NAALADL2: variants seen among roughly 807,000 people sequenced by gnomAD.
NAALADL2 encodes inactive N-acetylated-alpha-linked acidic dipeptidase-like protein 2.
In NAALADL2, 76 loss-of-function variants were observed where a neutral mutation model predicts 87.2. The ratio of observed to expected loss-of-function variants is 0.87; its 90% CI spans 0.72 to 1.05. NAALADL2 has a LOEUF of 1.05. Ranked by LOEUF, NAALADL2 falls within the 50% of genes least tolerant of loss-of-function variation. The probability of loss-of-function intolerance (pLI) is 0.00; values close to 1 mark genes in which losing one functional copy is unlikely to be tolerated. For synonymous variants in NAALADL2, 354 were observed against 331.0 expected (o/e 1.07, Z -0.75); for missense variants, 1,089 against 945.8 (o/e 1.15, Z -1.99).
At chr3:175,002,700 G>A (rs999750822) in intron 1 of NAALADL2, among the ~76,000 whole-genome samples, 3 of 152,254 alleles carry the variant, frequency 2.0e-5, no homozygotes, top group African/African-American at 7.2e-5. Flanking sequence ...GAAATTCATC[G>A]ACAAGTTTGC....
chr3:175,679,625 A>T (rs1735318272), intron 11 of NAALADL2, among the ~76,000 whole-genome samples: 1 of 152,158 alleles, frequency 6.6e-6, no homozygotes, highest in Non-Finnish European at 1.5e-5. Flanking sequence ...TTAATTCTAT[A>T]GTTCTTTTTA....
intron 1 of NAALADL2, among the ~76,000 whole-genome samples, chr3:174,870,073 G>A (rs1187697780): frequency 6.6e-6 from 1 of 150,696 alleles, no homozygotes; most frequent in Non-Finnish European, 1.5e-5. Context: ...GAGTGAGTTT[G>A]TGGGTGTGTG....
At chr3:174,816,517 ATAT>A (rs10567969) in intron 3 of NAALADL2, among the ~76,000 whole-genome samples, 39,654 of 142,790 alleles carry the variant, frequency 0.28, 6,009 homozygotes, top group African/African-American at 0.4. Flanking sequence ...ACATTTATTT[ATAT>A]TATATTATAT....
In NAALADL2 at chr3:175,214,710, A is replaced by T. The variant is rs144818951; in HGVS notation, c.546-19221A>T. Among the ~76,000 whole-genome samples, 939 of 152,286 alleles carry T rather than the reference A, an allele frequency of 6.2e-3. 10 individuals are homozygous for T. Among genetic ancestry groups the T allele is most frequent in the African/African-American group, 0.02 (820 of 41,560 alleles). On this transcript the variant is annotated intron_variant, in intron 2 of 13. Coordinates refer to ENST00000454872, the MANE Select transcript of NAALADL2 (RefSeq NM_207015.3). ...TATGAATGAAATTTGAGCTAATTTT[A>T]TTCATTCCTACTAAACTGGGTAACT...
At chr3:174,748,558 G>A (rs886081337) in intron 3 of NAALADL2, among the ~76,000 whole-genome samples, 1 of 152,134 alleles carries the variant, frequency 6.6e-6, no homozygotes, top group Non-Finnish European at 1.5e-5. Flanking sequence ...CATTTGTGGT[G>A]ATTTGTTACA....
At chr3:174,508,176 C>T (rs917947030) in intron 1 of NAALADL2, among the ~76,000 whole-genome samples, 23 of 138,696 alleles carry the variant, frequency 1.7e-4, no homozygotes, top group South Asian at 2.4e-4. Flanking sequence ...TGCAGTGGCA[C>T]GATTTCGGCT....
At chr3:175,083,616 T>C (rs898721201) in intron 1 of NAALADL2, among the ~76,000 whole-genome samples, 3 of 152,184 alleles carry the variant, frequency 2.0e-5, no homozygotes, top group African/African-American at 7.2e-5. Context: ...CCTAATAGTT[T>C]ATAATTATTT....
chr3:175,791,911 C>CAAAA (rs201243200), intron 13 of NAALADL2, among the ~76,000 whole-genome samples: 1 of 127,970 alleles, frequency 7.8e-6, no homozygotes, highest in African/African-American at 2.7e-5. Context: ...GTTCCCAAAG[C>CAAAA]AAAAAAAAAA....
At chr3:175,651,080 A>G (rs1163205982) in intron 11 of NAALADL2, among the ~76,000 whole-genome samples, 1 of 152,190 alleles carries the variant, frequency 6.6e-6, no homozygotes, top group South Asian at 2.1e-4. Context: ...GTAGCTTATG[A>G]GTATTAAAAG....
At chr3:174,649,264 A>G (rs1724118144) in intron 2 of NAALADL2, among the ~76,000 whole-genome samples, 1 of 152,120 alleles carries the variant, frequency 6.6e-6, no homozygotes, top group African/African-American at 2.4e-5. Context: ...AGCCCAGCTG[A>G]AAACCTGTTT....
intron 13 of NAALADL2, among the ~76,000 whole-genome samples, chr3:175,783,879 C>G (rs1196891384): frequency 1.4e-5 from 2 of 144,060 alleles, no homozygotes; most frequent in South Asian, 2.2e-4. Flanking sequence ...TACATCCCAT[C>G]GATACCTAAT....
chr3:175,225,211 C>T (rs1743987307), intron 2 of NAALADL2, among the ~76,000 whole-genome samples: 1 of 152,064 alleles, frequency 6.6e-6, no homozygotes, highest in Non-Finnish European at 1.5e-5. Context: ...TATATCTTCC[C>T]CATTATATAA....
chr3:175,069,807 A>T (rs1265144283), intron 1 of NAALADL2, among the ~76,000 whole-genome samples: 1 of 150,644 alleles, frequency 6.6e-6, no homozygotes, highest in Non-Finnish European at 1.5e-5. Flanking sequence ...TGTGGCACAT[A>T]TACACCATGG....
intron 1 of NAALADL2, among the ~76,000 whole-genome samples, chr3:174,902,937 C>A (rs1279988660): frequency 1.3e-5 from 2 of 152,048 alleles, no homozygotes; most frequent in African/African-American, 2.4e-5. Context: ...GGCTGAGGAA[C>A]CATGTGAAAG....
Position 175,119,887 on chromosome 3 carries a change from C to CATATAT in NAALADL2, c.545+22606_545+22611dup, listed in dbSNP as rs10688417. 1.6e-3 allele frequency among the ~76,000 whole-genome samples: 235 copies of CATATAT among 143,134 alleles called. 2 individuals carry two copies. The highest frequency in any genetic ancestry group is 5.6e-3 in the African/African-American group (220 of 39,358). The allele number at this position is 143,134 out of a possible 152,430, so 93.9% of individuals were successfully genotyped here. A position where few individuals can be genotyped will look rare whatever the true frequency, so the allele number is the denominator to read the frequency against. On this transcript the variant is annotated intron_variant, in intron 2 of 13. Coordinates refer to ENST00000454872, the MANE Select transcript of NAALADL2 (RefSeq NM_207015.3). ...GTGTATGTGTATGTGTATATATATA[C>CATATAT]ATATATATATATATAAAGAATAGGA...
chr3:175,540,939 A>G (rs1447395356), intron 9 of NAALADL2, among the ~76,000 whole-genome samples: 2 of 152,208 alleles, frequency 1.3e-5, no homozygotes, highest in Admixed American at 6.5e-5. Context: ...CAGGAATTGG[A>G]TCAGGTAGGT....
chr3:175,569,188 A>G (rs1023891900), intron 9 of NAALADL2, among the ~76,000 whole-genome samples: 2 of 152,158 alleles, frequency 1.3e-5, no homozygotes, highest in African/African-American at 4.8e-5. Context: ...TTTATCCATG[A>G]TCCTTCAATG....
At chr3:175,003,315 C>T (rs982580028) in intron 1 of NAALADL2, among the ~76,000 whole-genome samples, 1 of 152,040 alleles carries the variant, frequency 6.6e-6, no homozygotes, top group Non-Finnish European at 1.5e-5. Context: ...GCCAGGAGTT[C>T]GAGACCTGCC....
intron 3 of NAALADL2, among the ~76,000 whole-genome samples, chr3:174,819,000 A>T (rs1721107208): frequency 6.6e-6 from 1 of 150,820 alleles, no homozygotes; most frequent in Non-Finnish European, 1.5e-5. Context: ...CTGAGTTAAA[A>T]AGAAGAAATA....
Sources: gnomAD v4.1 joint callset for allele counts (sites outside exome capture counted in the v4.1 genomes callset) on GRCh38, gnomAD v4.1.1 for gene constraint, MANE v1.5 for transcripts, NCBI Gene and HGNC (gene_info 2026-07-23, HGNC 2026-07-21) for gene names.